LEO1: variants seen among roughly 807,000 people sequenced by gnomAD.
The protein encoded by LEO1 is RNA polymerase-associated protein LEO1.
In LEO1, 34 loss-of-function variants were observed where a neutral mutation model predicts 80.4. That is an observed-to-expected ratio of 0.42 (90% CI 0.32 to 0.56). The LOEUF is 0.56. Ranked by LOEUF, LEO1 falls within the 20% of genes least tolerant of loss-of-function variation. LEO1 has a pLI of 0.10. For synonymous variants in LEO1, 262 were observed against 274.9 expected (o/e 0.95, Z 0.46); for missense variants, 631 against 814.2 (o/e 0.77, Z 2.74).
Position 51,952,109 on chromosome 15 carries a change from C to G in LEO1, c.1476-130G>C, listed in dbSNP as rs1867985. The stretch of plus-strand genomic sequence containing the variant: ...ACCTGAAAAAATAGGCAGAGACACT[C>G]GACTGAATATACCAAGGTGGAAGAT... On this transcript the variant is annotated intron_variant, in intron 8 of 11. Coordinates refer to ENST00000299601, the MANE Select transcript of LEO1 (RefSeq NM_138792.4). The G allele has an allele frequency of 0.011, 6,985 of 651,520 alleles. 374 individuals carry two copies. The African/African-American group carries it at 0.12, about 11-fold the overall frequency. 40.4% of individuals were successfully genotyped at this position (651,520 alleles called of 1,614,324 possible).
In LEO1 at chr15:51,953,253, G is replaced by C; in HGVS notation, c.1351C>G (p.His451Asp). 1 of 1,612,616 alleles carries C rather than the reference G, an allele frequency of 6.2e-7. No homozygotes were observed. The highest frequency in any genetic ancestry group is 8.5e-7 in the Non-Finnish European group (1 of 1,179,528). ...ACATCAAACACTTCATTGCCTAAAT[G>C]CAGGGACATGCTGGAAAGAGAAACA... Reference protein sequence around the residue: ...VKWSDGSMSLHLGNEVFDVYK... With the variant: ...VKWSDGSMSLDLGNEVFDVYK... The change falls in exon 8 of 12, where the codon CAT becomes GAT. Residue 451 changes from histidine (H) to aspartate (D), a missense_variant. His to Asp is a moderately conservative substitution (Grantham distance 81). Around this residue, in one of 4 missense-constraint regions of LEO1, gnomAD observed 95 missense variants for 171.7 expected, o/e 0.55. Transcript: ENST00000299601.
intron 3 of LEO1, 74 bp downstream of exon 3, chr15:51,962,313 CAG>C (rs1326334614): frequency 2.1e-6 from 2 of 946,970 alleles, no homozygotes; most frequent in East Asian, 2.7e-5. Flanking sequence ...TAAACACACT[CAG>C]GGTTAGAAAT....
chr15:51,941,028 G>A lies in LEO1; in HGVS notation c.1897-2768C>T, dbSNP rs139891022. Among the ~76,000 whole-genome samples, 37 of 151,914 alleles carry A rather than the reference G, an allele frequency of 2.4e-4. No individual in the cohort carries two copies. The South Asian group carries it at 3.1e-3, about 13-fold the overall frequency. On this transcript the variant is annotated intron_variant, in intron 11 of 11. Transcript: ENST00000299601. Reference sequence around the variant, plus strand: ...GCAGAGTTTGCAGTGAGCTGAGATCGCGGCGCTGCACTCCAGTCTGGGCAA... The same window carrying A: ...GCAGAGTTTGCAGTGAGCTGAGATCACGGCGCTGCACTCCAGTCTGGGCAA...
chr15:51,946,847 T>C (rs1183492588), intron 11 of LEO1: 1 of 165,348 alleles, frequency 6.0e-6, no homozygotes, highest in Non-Finnish European at 1.3e-5. Flanking sequence ...CAACCAAGAA[T>C]GAATTATTTT....
chr15:51,954,513 GCTTT>G lies in LEO1; in HGVS notation c.1304_1307del (p.Glu435AlafsTer5). ...CTGACCACTTGACTATCCGAGCATT[GCTTT>G]CTTTAATTTCATTTCCTTCTTCATC... On this transcript the variant is annotated frameshift_variant, in exon 7 of 12. Coordinates refer to ENST00000299601, the MANE Select transcript of LEO1 (RefSeq NM_138792.4). LOFTEE classifies it high-confidence loss of function. The G allele has an allele frequency of 1.2e-6, 2 of 1,613,556 alleles. No individual in the cohort carries two copies. Among genetic ancestry groups the G allele is most frequent in the Non-Finnish European group, 1.7e-6 (2 of 1,179,552 alleles).
At chr15:51,970,006 G>A (rs117993984) in intron 1 of LEO1, among the ~76,000 whole-genome samples, 2,181 of 152,176 alleles carry the variant, frequency 0.014, 81 homozygotes, top group East Asian at 0.071. Context: ...GGGAACCCTG[G>A]TGCATTGCTG....
At chr15:51,968,174 C>T (rs965374225) in intron 1 of LEO1, among the ~76,000 whole-genome samples, 4 of 152,134 alleles carry the variant, frequency 2.6e-5, no homozygotes, top group African/African-American at 9.7e-5. Flanking sequence ...CAGACCAAGA[C>T]TCCATCTCAA....
intron 9 of LEO1, among the ~76,000 whole-genome samples, chr15:51,951,165 G>A (rs1001528706): frequency 5.3e-5 from 8 of 152,170 alleles, no homozygotes; most frequent in Admixed American, 5.2e-4. Context: ...ACTAAACAAC[G>A]TAATCACAAG....
chr15:51,953,128 C>T lies in LEO1; in HGVS notation c.1475+1G>A, dbSNP rs1250757205. Reference sequence around the variant, plus strand: ...TAATACATAATAATAATAACAGTTACCTGAAGGTGAGTTTCGTTTTAAAGA... The same window carrying T: ...TAATACATAATAATAATAACAGTTATCTGAAGGTGAGTTTCGTTTTAAAGA... On this transcript the variant is annotated splice_donor_variant, in intron 8 of 11. Transcript: ENST00000299601. LOFTEE classifies it high-confidence loss of function. 1 of 1,608,466 alleles carries T rather than the reference C, an allele frequency of 6.2e-7. No homozygotes were observed. Among genetic ancestry groups the T allele is most frequent in the Non-Finnish European group, 8.5e-7 (1 of 1,176,528 alleles).
At position 51,941,004 on chromosome 15, in the gene LEO1, C is replaced by G. The variant is rs113472087; in HGVS notation, c.1897-2744G>C. ...AGGAGAATCACTTGAACCCAGGAGG[C>G]AGAGTTTGCAGTGAGCTGAGATCGC... On this transcript the variant is annotated intron_variant, in intron 11 of 11. Transcript: ENST00000299601. Among the ~76,000 whole-genome samples the G allele has an allele frequency of 2.7e-3, 407 of 151,878 alleles. 5 individuals carry two copies. The highest frequency in any genetic ancestry group is 9.3e-3 in the African/African-American group (387 of 41,420).
At chr15:51,952,192 CAG>C (rs1257714038) in intron 8 of LEO1, 26 of 443,198 alleles carry the variant, frequency 5.9e-5, no homozygotes, top group African/African-American at 5.2e-4. Context: ...AAATGAAAAA[CAG>C]AAGGTTGGAG....
intron 2 of LEO1, among the ~76,000 whole-genome samples, chr15:51,963,152 T>C (rs920437265): frequency 2.6e-5 from 4 of 152,064 alleles, no homozygotes; most frequent in Non-Finnish European, 4.4e-5. Context: ...AGCGTGCACC[T>C]GTAGTCCCAG....
chr15:51,955,081 C>G (rs1359626136), intron 6 of LEO1: 2 of 152,450 alleles, frequency 1.3e-5, no homozygotes, highest in Admixed American at 1.3e-4. Flanking sequence ...GGATTACAGG[C>G]GCCCACCTCC....
At position 51,965,907 on chromosome 15, in the gene LEO1, G is replaced by A. The variant is rs766215646; in HGVS notation, c.656C>T (p.Ala219Val). ...CTGTTTCTCATCATCATTATCAGAA[G>A]CTACCGGCCGTTCATCATCAGAATT... The part of the protein sequence containing the change: ...KANSDDERPV[A>V]SDNDDEKQNS... The change falls in exon 2 of 12, where the codon GCT (alanine) becomes GTT (valine). Residue 219 changes from alanine (A) to valine (V), a missense_variant. Ala to Val is a moderately conservative substitution (Grantham distance 64). This residue lies in a region of LEO1 where 394 missense variants were observed against 395.6 expected (regional missense o/e 1.00). Coordinates refer to ENST00000299601, the MANE Select transcript of LEO1 (RefSeq NM_138792.4). The A allele has an allele frequency of 6.2e-7, 1 of 1,614,048 alleles. No individual in the cohort carries two copies. The highest frequency in any genetic ancestry group is 8.5e-7 in the Non-Finnish European group (1 of 1,179,988).
chr15:51,967,040 G>C (rs536292160), intron 1 of LEO1, among the ~76,000 whole-genome samples: 1 of 152,192 alleles, frequency 6.6e-6, no homozygotes, highest in South Asian at 2.1e-4. Context: ...CAGTTCGACT[G>C]TCCAATCTGA....
At chr15:51,953,623 GA>G (rs900201128) in intron 7 of LEO1, among the ~76,000 whole-genome samples, 22 of 143,008 alleles carry the variant, frequency 1.5e-4, no homozygotes, top group Admixed American at 2.1e-4. Context: ...CCATCTCAAG[GA>G]AAAAAAAAAA....
chr15:51,951,783 G>A, intron 9 of LEO1, 61 bp downstream of exon 9: 2 of 1,464,746 alleles, frequency 1.4e-6, no homozygotes, highest in Non-Finnish European at 1.9e-6. Context: ...AAGCATTTTG[G>A]GAAATACTTG....
Position 51,971,707 on chromosome 15 carries a change from G to A in LEO1, c.39C>T (p.Asp13=). 1 of 1,614,152 alleles carries A rather than the reference G, an allele frequency of 6.2e-7. No homozygotes were observed. Among genetic ancestry groups the A allele is most frequent in the Non-Finnish European group, 8.5e-7 (1 of 1,180,028 alleles). ...DMEDLFGSDA[D]SEAERKDSDS... is the part of the protein sequence containing the mutation. ...ACCCACCTTTACGCTCAGCTTCGCT[G>A]TCGGCGTCGCTCCCGAAGAGATCCT... Residue 13 remains aspartate, a synonymous_variant, in exon 1 of 12, where the codon GAC becomes GAT. Coordinates refer to ENST00000299601, the MANE Select transcript of LEO1 (RefSeq NM_138792.4).
intron 1 of LEO1, among the ~76,000 whole-genome samples, chr15:51,970,514 A>T (rs2057114499): frequency 6.6e-6 from 1 of 152,248 alleles, no homozygotes. Context: ...GAATATTATT[A>T]AATCATTAAA....
Sources: gnomAD v4.1 joint callset for allele counts (sites outside exome capture counted in the v4.1 genomes callset) on GRCh38, gnomAD v4.1.1 for gene constraint, gnomAD v4.1.1 regional missense constraint, MANE v1.5 for transcripts, NCBI Gene and HGNC (gene_info 2026-07-23, HGNC 2026-07-21) for gene names.